The following IL34 variants were observed in gnomAD, a reference collection of about 807,000 sequenced individuals.
IL34 encodes the protein interleukin-34.
A neutral mutation model predicts 25.3 loss-of-function variants in IL34; 17 were observed. That is an observed-to-expected ratio of 0.67 (90% CI 0.46 to 1.01). The LOEUF (loss-of-function observed/expected upper bound fraction) is 1.01, where lower values mean the gene tolerates loss of function less well. Among genes scored for constraint, IL34 ranks in the 50% least tolerant of loss-of-function variants. The pLI, the probability that IL34 is intolerant of heterozygous loss-of-function variation, is 0.00. For missense variants in IL34, 368 were observed against 312.9 expected, an observed-to-expected ratio of 1.18 and a Z score of -1.33; for synonymous variants, 174 against 140.9, an observed-to-expected ratio of 1.23 and a Z score of -1.66.
chr16:70,586,503 C>T (rs1007638100), intron 1 of IL34, among the ~76,000 whole-genome samples: 1 of 152,146 alleles, frequency 6.6e-6, no homozygotes, highest in African/African-American at 2.4e-5. Context: ...CTGCAGTGAG[C>T]TGTGTTCGCG....
intron 1 of IL34, among the ~76,000 whole-genome samples, chr16:70,608,126 CTTTTTTT>C (rs869059231): frequency 4.4e-4 from 17 of 38,892 alleles, no homozygotes; most frequent in Non-Finnish European, 7.6e-4. Flanking sequence ...TTTCTTTTTT[CTTTTTTT>C]TTTTTTTTTT....
At chr16:70,607,132 C>T (rs977401702) in intron 1 of IL34, among the ~76,000 whole-genome samples, 41 of 152,084 alleles carry the variant, frequency 2.7e-4, no homozygotes, top group African/African-American at 8.9e-4. Flanking sequence ...GACAGAGTCT[C>T]GCTCAGTCGC....
rs34816911 is a variant in IL34, at chr16:70,636,585, TCACACACACACACA to T, written c.-400-9932_-400-9919del. 1.2e-3 allele frequency among the ~76,000 whole-genome samples: 160 copies of T among 136,468 alleles called. No homozygotes were observed. The South Asian group carries it at 0.013, about 11-fold the overall frequency. 89.5% of individuals were successfully genotyped at this position (136,468 alleles called of 152,430 possible). The stretch of plus-strand genomic sequence containing the variant: ...AGCCTGGACAACATAGCAAACCCTG[TCACACACACACACA>T]CACACACACACACACACACACACAC... On this transcript the variant is annotated intron_variant, in intron 1 of 6. Transcript: ENST00000429149.
At chr16:70,596,667 G>A (rs971442742) in intron 1 of IL34, among the ~76,000 whole-genome samples, 3 of 152,230 alleles carry the variant, frequency 2.0e-5, no homozygotes, top group African/African-American at 7.2e-5. Flanking sequence ...CCCAGTTGCA[G>A]TGGGGGTAGA....
intron 1 of IL34, among the ~76,000 whole-genome samples, chr16:70,620,805 G>A (rs2051265477): frequency 6.6e-6 from 1 of 152,148 alleles, no homozygotes; most frequent in Admixed American, 6.6e-5. Flanking sequence ...GGATCAAGGG[G>A]CATTGCAGAA....
chr16:70,599,335 T>TTCTTTCTC (rs1172383101), intron 1 of IL34, among the ~76,000 whole-genome samples: 5 of 147,508 alleles, frequency 3.4e-5, no homozygotes, highest in African/African-American at 1.3e-4. Flanking sequence ...CTTTCTCTCT[T>TTCTTTCTC]TCTTTCTCTC....
intron 1 of IL34, among the ~76,000 whole-genome samples, chr16:70,591,272 G>A (rs2050750769): frequency 6.6e-6 from 1 of 152,090 alleles, no homozygotes; most frequent in South Asian, 2.1e-4. Context: ...CTCCAACCTG[G>A]CCCCTGATAG....
upstream of IL34, among the ~76,000 whole-genome samples, chr16:70,643,130 T>G (rs1271074190): frequency 6.6e-6 from 1 of 151,106 alleles, no homozygotes; most frequent in Non-Finnish European, 1.5e-5. Context: ...TGGGACTACC[T>G]CGGCTCACTG....
In IL34 at chr16:70,630,698, C is replaced by T. The variant is rs987867331; in HGVS notation, c.-400-15850C>T. Among the ~76,000 whole-genome samples, 3 of 151,232 alleles carry T rather than the reference C, an allele frequency of 2.0e-5. No homozygotes were observed. In the Admixed American group the frequency reaches 2.0e-4, roughly 10 times the overall value. ...AATTGATCCTCCTACCTCAGCTTCC[C>T]AAGTAGCTGTGACTACAGGCACACC... is the stretch of plus-strand genomic sequence containing the variant. On this transcript the variant is annotated intron_variant, in intron 1 of 6. Transcript: ENST00000429149.
intron 1 of IL34, among the ~76,000 whole-genome samples, chr16:70,600,874 T>G (rs1279930722): frequency 6.8e-6 from 1 of 146,952 alleles, no homozygotes; most frequent in African/African-American, 2.6e-5. Flanking sequence ...CTAGGAGAAG[T>G]AGGGGATGCT....
At chr16:70,586,679 G>A (rs1203032905) in intron 1 of IL34, among the ~76,000 whole-genome samples, 1 of 152,172 alleles carries the variant, frequency 6.6e-6, no homozygotes, top group African/African-American at 2.4e-5. Context: ...GAGAGAAATG[G>A]CAGGCACCGT....
intron 1 of IL34, among the ~76,000 whole-genome samples, chr16:70,650,200 A>G (rs1219678309): frequency 6.6e-6 from 1 of 152,032 alleles, no homozygotes. Context: ...TGTGCAGAGC[A>G]TGTGGGGGAC....
At chr16:70,606,872 G>A (rs1221705098) in intron 1 of IL34, among the ~76,000 whole-genome samples, 1 of 152,158 alleles carries the variant, frequency 6.6e-6, no homozygotes. Context: ...ACAGGTGTAA[G>A]CCATCGTGCC....
rs2052359919 is a variant in IL34, at chr16:70,660,077, T to G, written c.619T>G (p.Tyr207Asp). The stretch of plus-strand genomic sequence containing the variant: ...TTGCAGCCCAGAGCCCTCATTGCAG[T>G]ATGCGGCCACCCAGCTGTACCCTCC... Reference protein sequence around the residue: ...QSCSPEPSLQYAATQLYPPPP... With the variant: ...QSCSPEPSLQDAATQLYPPPP... The change falls in exon 6 of 6, where the codon TAT becomes GAT. Residue 207 changes from tyrosine (Y) to aspartate (D), a missense_variant. By Grantham distance (160) the Tyr-to-Asp change is radical. Transcript: ENST00000288098. 11 of 1,613,598 alleles carry G rather than the reference T, an allele frequency of 6.8e-6. No homozygotes were observed. Among genetic ancestry groups the G allele is most frequent in the Non-Finnish European group, 9.3e-6 (11 of 1,179,848 alleles).
intron 1 of IL34, among the ~76,000 whole-genome samples, chr16:70,640,057 T>C (rs531038140): frequency 4.6e-5 from 7 of 152,318 alleles, no homozygotes; most frequent in South Asian, 4.1e-4. Context: ...AGAAAAACTT[T>C]AGAAAGAATA....
At chr16:70,581,433 T>G (rs7186273) in intron 1 of IL34, among the ~76,000 whole-genome samples, 4,754 of 150,326 alleles carry the variant, frequency 0.032, 291 homozygotes, top group African/African-American at 0.11. Context: ...GAAGTTATTG[T>G]TTTTTCCCCC....
intron 1 of IL34, among the ~76,000 whole-genome samples, chr16:70,627,447 C>CCCCTCCCCCTCCTCCCCCTT (rs2051420391): frequency 7.6e-6 from 1 of 130,964 alleles, no homozygotes; most frequent in Non-Finnish European, 1.6e-5. Flanking sequence ...CCCCTCCGCT[C>CCCCTCCCCCTCCTCCCCCTT]CCCTCCCCCT....
chr16:70,646,179 G>C (rs147553520), upstream of IL34, among the ~76,000 whole-genome samples: 332 of 152,208 alleles, frequency 2.2e-3, 7 homozygotes, highest in East Asian at 0.046. Flanking sequence ...CAAAGTGCTG[G>C]GATTACAAGC....
In IL34 at chr16:70,660,124, C is replaced by T; in HGVS notation, c.666C>T (p.Ser222=). ...CTCCGCCCCCGTGGTCCCCCAGCTC[C>T]CCGCCTCACTCCACGGGCTCGGTGA... ...LYPPPPWSPS[S]PPHSTGSVRP... Residue 222 remains serine, a synonymous_variant, in exon 6 of 6, where the codon TCC becomes TCT. Transcript: ENST00000288098. The T allele has an allele frequency of 1.2e-6, 2 of 1,612,832 alleles. No homozygotes were observed. Among genetic ancestry groups the T allele is most frequent in the Non-Finnish European group, 1.7e-6 (2 of 1,179,626 alleles).
Sources: allele counts gnomAD v4.1 joint callset (sites outside exome capture counted in the v4.1 genomes callset), GRCh38; gene constraint gnomAD v4.1.1; transcripts MANE v1.5; gene names NCBI Gene and HGNC (gene_info 2026-07-23, HGNC 2026-07-21).